RNF14: variants seen among roughly 807,000 people sequenced by gnomAD.
The protein encoded by RNF14 is E3 ubiquitin-protein ligase RNF14.
In RNF14, 26 loss-of-function variants were observed where a neutral mutation model predicts 52.6. The observed-to-expected ratio is 0.49, with a 90% CI of 0.36 to 0.69. RNF14 has a LOEUF of 0.69. Among genes scored for constraint, RNF14 ranks in the 30% least tolerant of loss-of-function variants. The pLI is 0.00. For missense variants in RNF14, 404 were observed against 560.4 expected, an observed-to-expected ratio of 0.72 and a Z score of 2.82; for synonymous variants, 194 against 202.0, an observed-to-expected ratio of 0.96 and a Z score of 0.34.
intron 4 of RNF14, 42 bp from the exon 5 acceptor site, chr5:141,978,261 A>T: frequency 6.6e-7 from 1 of 1,513,916 alleles, no homozygotes; most frequent in Admixed American, 2.2e-5. Context: ...CAGCAGCATC[A>T]TCTTTCCAAA....
Position 141,978,311 on chromosome 5 carries a change from T to C in RNF14, c.315T>C (p.Ala105=), listed in dbSNP as rs772889922. 3.3e-5 allele frequency: 53 copies of C among 1,591,442 alleles called. No individual in the cohort carries two copies. The highest frequency in any genetic ancestry group is 4.3e-5 in the Non-Finnish European group (50 of 1,166,760). ...GKWLSPTQLS[A]LCKHLDNLWE... is the part of the protein sequence containing the mutation. Reference sequence around the variant, plus strand: ...CATGTGTTTTCTCCTAGCTATCTGCTCTATGCAAGCACTTAGACAACCTAT... The same window carrying C: ...CATGTGTTTTCTCCTAGCTATCTGCCCTATGCAAGCACTTAGACAACCTAT... Residue 105 remains alanine, a synonymous_variant, in exon 5 of 9, where the codon GCT becomes GCC. Coordinates refer to ENST00000394520, the MANE Select transcript of RNF14 (RefSeq NM_004290.5).
chr5:141,978,647 G>A lies in RNF14; in HGVS notation c.651G>A (p.Leu217=), dbSNP rs1326647108. Reference sequence around the variant, plus strand: ...AGATAAAATGCTTTAATAGTAAATTGTTCCTGTGCAGTATCTGTTTCTGTG... The same window carrying A: ...AGATAAAATGCTTTAATAGTAAATTATTCCTGTGCAGTATCTGTTTCTGTG... ...AQQIKCFNSK[L]FLCSICFCEK... Residue 217 remains leucine, a synonymous_variant, in exon 5 of 9, where the codon TTG becomes TTA. Coordinates refer to ENST00000394520, the MANE Select transcript of RNF14 (RefSeq NM_004290.5). The A allele has an allele frequency of 6.2e-7, 1 of 1,613,986 alleles. No homozygotes were observed. Among genetic ancestry groups the A allele is most frequent in the Admixed American group, 1.7e-5 (1 of 60,022 alleles).
chr5:141,979,227 G>T (rs77078491), intron 5 of RNF14, among the ~76,000 whole-genome samples: 106,967 of 141,462 alleles, frequency 0.76, 38,177 homozygotes, highest in East Asian at 0.98. Flanking sequence ...TACTTAGGTG[G>T]TGGTGGTGTT....
intron 3 of RNF14, among the ~76,000 whole-genome samples, chr5:141,974,585 T>G (rs1754080921): frequency 1.3e-5 from 2 of 152,266 alleles, no homozygotes; most frequent in Non-Finnish European, 2.9e-5. Context: ...TGTAGTATTT[T>G]CATTATACAT....
At chr5:141,965,621 A>C (rs1402247375), upstream of RNF14, among the ~76,000 whole-genome samples, 1 of 152,204 alleles carries the variant, frequency 6.6e-6, no homozygotes, top group Non-Finnish European at 1.5e-5. Context: ...CAGACTGATG[A>C]GGAATCGGCT....
chr5:141,966,566 A>G (rs977682575), upstream of RNF14, among the ~76,000 whole-genome samples: 2 of 152,140 alleles, frequency 1.3e-5, no homozygotes, highest in African/African-American at 2.4e-5. Flanking sequence ...ACACGGGGAG[A>G]CTGCAGTTTA....
the RNF14 span, chr5:141,949,559 G>T: frequency 6.2e-7 from 1 of 1,613,916 alleles, no homozygotes; most frequent in South Asian, 1.1e-5. Context: ...TTGCACTTGG[G>T]CCATCTGTGT....
At chr5:141,965,077 G>A (rs568289826), upstream of RNF14, among the ~76,000 whole-genome samples, 5 of 152,272 alleles carry the variant, frequency 3.3e-5, no homozygotes, top group Admixed American at 2.0e-4. Context: ...GCTCATTAAG[G>A]TTCAGTTTTA....
Position 141,983,378 on chromosome 5 carries a change from A to G in RNF14, c.1064-2A>G. The stretch of plus-strand genomic sequence containing the variant: ...AAGTTAATTTTCCATTTCACTTTGT[A>G]GAGAAATTAATGGACTTACGAAATG... On this transcript the variant is annotated splice_acceptor_variant, in intron 6 of 8. Transcript: ENST00000394520. LOFTEE classifies it high-confidence loss of function. The G allele has an allele frequency of 1.2e-6, 2 of 1,607,742 alleles. No homozygotes were observed. The highest frequency in any genetic ancestry group is 1.7e-6 in the Non-Finnish European group (2 of 1,178,032).
At chr5:141,959,803 GAGAC>G (rs777815793) in intron 1 of RNF14, among the ~76,000 whole-genome samples, 14 of 152,114 alleles carry the variant, frequency 9.2e-5, no homozygotes, top group Non-Finnish European at 1.6e-4. Context: ...CATGGCCCTG[GAGAC>G]AGACAGGCCA....
upstream of RNF14, chr5:141,957,182 T>TG (rs776111123): frequency 1.1e-4 from 184 of 1,613,988 alleles, no homozygotes; most frequent in Non-Finnish European, 1.4e-4. The surrounding 1 kb of genome is among the most constrained non-coding windows in gnomAD (Gnocchi z 4.3). Context: ...GTACCTGACT[T>TG]GGGGGGGTTC....
At chr5:141,957,651 C>A (rs758467622), upstream of RNF14, 10 of 1,614,082 alleles carry the variant, frequency 6.2e-6, no homozygotes, top group Admixed American at 1.5e-4. This position sits in a 1 kb window ranked among gnomAD's most constrained non-coding sequence, Gnocchi z 4.3. Flanking sequence ...GCTGCAACAC[C>A]TGGAAGGCAG....
Position 141,978,929 on chromosome 5 carries a change from A to AGGCCTTGGAGCCAGCCCAC in RNF14, c.834+100_834+118dup, listed in dbSNP as rs1170728900. The AGGCCTTGGAGCCAGCCCAC allele has an allele frequency of 7.7e-6, 10 of 1,294,892 alleles. No homozygotes were observed. In the Admixed American group the frequency reaches 2.2e-4, roughly 29 times the overall value. 80.2% of individuals were successfully genotyped at this position (1,294,892 alleles called of 1,614,324 possible). A position where few individuals can be genotyped will look rare whatever the true frequency, so the allele number is the denominator to read the frequency against. ...TTGATAGGGCTCATGGGGCAGTCCG[A>AGGCCTTGGAGCCAGCCCAC]GGCCTTGGAGCCAGCCCACAAGTTG... On this transcript the variant is annotated intron_variant, in intron 5 of 8. Coordinates refer to ENST00000394520, the MANE Select transcript of RNF14 (RefSeq NM_004290.5).
chr5:141,981,087 C>T (rs1200206295), intron 6 of RNF14, among the ~76,000 whole-genome samples: 1 of 152,118 alleles, frequency 6.6e-6, no homozygotes, highest in African/African-American at 2.4e-5. Context: ...TTCAGACTAA[C>T]AGGGATAATG....
At chr5:141,951,393 G>T in the RNF14 span, 1 of 882,682 alleles carries the variant, frequency 1.1e-6, no homozygotes. Flanking sequence ...GGGGACCGGT[G>T]TCTGACTTGT....
chr5:141,961,018 C>T (rs1753271308), intron 1 of RNF14, among the ~76,000 whole-genome samples: 1 of 152,150 alleles, frequency 6.6e-6, no homozygotes, highest in Non-Finnish European at 1.5e-5. Context: ...CCGTGCTACA[C>T]AGAAGAATAC....
At chr5:141,952,178 G>T in the RNF14 span, among the ~76,000 whole-genome samples, 1 of 152,182 alleles carries the variant, frequency 6.6e-6, no homozygotes, top group Non-Finnish European at 1.5e-5. Flanking sequence ...CATCTGTCAG[G>T]ATGTGAAGGT....
chr5:141,964,685 C>T (rs1753303133), upstream of RNF14, among the ~76,000 whole-genome samples: 3 of 152,084 alleles, frequency 2.0e-5, no homozygotes, highest in East Asian at 3.9e-4. Flanking sequence ...GCGATCTGGG[C>T]TCACCGCAAC....
chr5:141,969,032 G>C (rs999340906), upstream of RNF14: 2 of 152,234 alleles, frequency 1.3e-5, no homozygotes, highest in Non-Finnish European at 2.9e-5. Flanking sequence ...GGGCGACCAC[G>C]GCGGCTGCGC....
Sources: allele counts gnomAD v4.1 joint callset (sites outside exome capture counted in the v4.1 genomes callset), GRCh38; gene constraint gnomAD v4.1.1; non-coding constraint Gnocchi (gnomAD v3.1); transcripts MANE v1.5; gene names NCBI Gene and HGNC (gene_info 2026-07-23, HGNC 2026-07-21).